JAKMIP1: variants seen among roughly 807,000 people sequenced by gnomAD.
The protein encoded by JAKMIP1 is janus kinase and microtubule interacting protein 1.
JAKMIP1 carries 33 observed loss-of-function variants against 113.0 expected under a neutral mutation model. The observed-to-expected ratio is 0.29, with a 90% CI of 0.22 to 0.39. The LOEUF is 0.39. Among genes scored for constraint, JAKMIP1 ranks in the 10% least tolerant of loss-of-function variants. JAKMIP1 has a pLI of 1.00. For missense variants in JAKMIP1, 813 were observed against 1,080.5 expected, an observed-to-expected ratio of 0.75 and a Z score of 3.47; for synonymous variants, 480 against 459.9, an observed-to-expected ratio of 1.04 and a Z score of -0.56.
In JAKMIP1 at chr4:6,090,878, C is replaced by A. The variant is rs111691375; in HGVS notation, c.625-5249G>T. 4.8e-3 allele frequency among the ~76,000 whole-genome samples: 733 copies of A among 151,872 alleles called. 8 individuals carry two copies. The highest frequency in any genetic ancestry group is 0.017 in the African/African-American group (683 of 41,360). ...CCATGATGCCCTTAGAGTGTCAAAA[C>A]CCCACGTTGACCATGACGTCCTTAG... On this transcript the variant is annotated intron_variant, in intron 3 of 20. Transcript: ENST00000409021.
intron 1 of JAKMIP1, among the ~76,000 whole-genome samples, chr4:6,121,132 A>G (rs1371127940): frequency 6.7e-6 from 1 of 150,304 alleles, no homozygotes; most frequent in African/African-American, 2.4e-5. Flanking sequence ...TCTGGGAGGC[A>G]GAGGTTGCAG....
chr4:6,052,270 G>A (rs1286155326), intron 13 of JAKMIP1, among the ~76,000 whole-genome samples: 1 of 151,794 alleles, frequency 6.6e-6, no homozygotes, highest in Non-Finnish European at 1.5e-5. Context: ...CCATTCCACA[G>A]ATGACTTTCT....
At chr4:6,173,202 T>G (rs1318750679) in intron 1 of JAKMIP1, among the ~76,000 whole-genome samples, 1 of 152,210 alleles carries the variant, frequency 6.6e-6, no homozygotes, top group Non-Finnish European at 1.5e-5. Context: ...GAAGGTCTGT[T>G]AATGTCCTTA....
intron 1 of JAKMIP1, among the ~76,000 whole-genome samples, chr4:6,124,338 T>A (rs532560005): frequency 1.3e-5 from 2 of 152,226 alleles, no homozygotes; most frequent in Non-Finnish European, 2.9e-5. Flanking sequence ...AGCTGCCACC[T>A]GCACCAGCAC....
rs930067427 is a variant in JAKMIP1, at chr4:6,197,096, C to A, written c.-148+3157G>T. Among the ~76,000 whole-genome samples, 1 of 152,144 alleles carries A rather than the reference C, an allele frequency of 6.6e-6. No homozygotes were observed. Among genetic ancestry groups the A allele is most frequent in the East Asian group, 1.9e-4 (1 of 5,190 alleles). On this transcript the variant is annotated intron_variant, in intron 1 of 20. Coordinates refer to ENST00000409021, the MANE Select transcript of JAKMIP1 (RefSeq NM_001099433.2). This position sits in a 1 kb window ranked among gnomAD's most constrained non-coding sequence, Gnocchi z 6.5. ...CCCGTGCAGCAAAGATGAGATAACC[C>A]GAGGCAGAAGCGGGAGGTTAAGTGC...
rs151249015 is a variant in JAKMIP1, at chr4:6,070,683, C to G, written c.1303-5675G>C. Among the ~76,000 whole-genome samples, 77 of 152,384 alleles carry G rather than the reference C, an allele frequency of 5.1e-4. 1 individual carries two copies. The highest frequency in any genetic ancestry group is 8.7e-4 in the Non-Finnish European group (59 of 68,034). On this transcript the variant is annotated intron_variant, in intron 8 of 20. Transcript: ENST00000409021. ...CTCCCTCAGGACCCAAACCGAGGAG[C>G]TGCCTCTGTCCTCATGTGTTTGGGA...
intron 2 of JAKMIP1, among the ~76,000 whole-genome samples, chr4:6,110,022 G>T: frequency 6.6e-6 from 1 of 152,144 alleles, no homozygotes; most frequent in East Asian, 1.9e-4. Context: ...GAGGCAGCCT[G>T]GTAACAGGGA....
At position 6,140,230 on chromosome 4, in the gene JAKMIP1, C is replaced by T. The variant is rs1042126755; in HGVS notation, c.-147-27233G>A. Among the ~76,000 whole-genome samples, 2 of 151,770 alleles carry T rather than the reference C, an allele frequency of 1.3e-5. No homozygotes were observed. Among genetic ancestry groups the T allele is most frequent in the Admixed American group, 1.3e-4 (2 of 15,250 alleles). On this transcript the variant is annotated intron_variant, in intron 1 of 20. Coordinates refer to ENST00000409021, the MANE Select transcript of JAKMIP1 (RefSeq NM_001099433.2). The surrounding 1 kb of genome is among the most constrained non-coding windows in gnomAD (Gnocchi z 9.4). ...TCTCCACCCGGACATTTGGGCTGCT[C>T]CCTATTTTTCTTTTTTCCTCTTTTT...
intron 7 of JAKMIP1, among the ~76,000 whole-genome samples, chr4:6,079,682 T>G (rs1410263977): frequency 6.6e-6 from 1 of 152,170 alleles, no homozygotes; most frequent in Non-Finnish European, 1.5e-5. Context: ...CTTTGATAGA[T>G]GCACGCCCCA....
At position 6,156,110 on chromosome 4, in the gene JAKMIP1, A is replaced by T. The variant is rs1722208003; in HGVS notation, c.-147-43113T>A. On this transcript the variant is annotated intron_variant, in intron 1 of 20. Transcript: ENST00000409021. This position sits in a 1 kb window ranked among gnomAD's most constrained non-coding sequence, Gnocchi z 5.0. ...AACTATTCTGAAATAATCTGTTGGC[A>T]TTTCTAAATACCTGACCCATCTGTG... 6.6e-6 allele frequency among the ~76,000 whole-genome samples: 1 copy of T among 152,206 alleles called. No homozygotes were observed. The highest frequency in any genetic ancestry group is 2.4e-5 in the African/African-American group (1 of 41,434).
chr4:6,083,038 G>T (rs914108271), intron 5 of JAKMIP1, among the ~76,000 whole-genome samples: 1 of 152,086 alleles, frequency 6.6e-6, no homozygotes, highest in Non-Finnish European at 1.5e-5. Flanking sequence ...CTCTCGGTGA[G>T]TTTTAAGGTA....
intron 17 of JAKMIP1, among the ~76,000 whole-genome samples, chr4:6,041,937 G>A (rs530872439): frequency 6.6e-6 from 1 of 152,322 alleles, no homozygotes; most frequent in East Asian, 1.9e-4. Context: ...CATAGCACCT[G>A]GGACACAGCA....
At chr4:6,112,610 C>A in intron 2 of JAKMIP1, 112 bp downstream of exon 2, 1 of 1,293,158 alleles carries the variant, frequency 7.7e-7, no homozygotes, top group Non-Finnish European at 1.1e-6. Context: ...GGTGAAGTGC[C>A]CCCCCTCGGC....
rs940679753 is a variant in JAKMIP1 at position 6,199,526 on chromosome 4, C to T, written c.-148+727G>A. The stretch of plus-strand genomic sequence containing the variant: ...GTGTCTGGCACCACGAGAGTCAATC[C>T]TTGCGCGCCATCTCCGGAGGCCAGT... On this transcript the variant is annotated intron_variant, in intron 1 of 20. Transcript: ENST00000409021. This position sits in a 1 kb window ranked among gnomAD's most constrained non-coding sequence, Gnocchi z 5.6. Among the ~76,000 whole-genome samples the T allele has an allele frequency of 4.6e-5, 7 of 152,146 alleles. No homozygotes were observed. Among genetic ancestry groups the T allele is most frequent in the African/African-American group, 1.4e-4 (6 of 41,456 alleles).
At chr4:6,090,779 C>T (rs182748707) in intron 3 of JAKMIP1, among the ~76,000 whole-genome samples, 42 of 152,020 alleles carry the variant, frequency 2.8e-4, no homozygotes, top group Non-Finnish European at 4.9e-4. Flanking sequence ...TGACCATAAC[C>T]ACCTTAAACT....
chr4:6,087,779 T>C (rs1006269403), intron 3 of JAKMIP1, among the ~76,000 whole-genome samples: 17 of 152,316 alleles, frequency 1.1e-4, no homozygotes, highest in Admixed American at 4.6e-4. Flanking sequence ...CACCTTTCTT[T>C]GGAAGACAAA....
rs1354627081 is a variant in JAKMIP1 at position 6,108,992 on chromosome 4, C to A, written c.130-3025G>T. Among the ~76,000 whole-genome samples the A allele has an allele frequency of 6.6e-6, 1 of 152,234 alleles. No homozygotes were observed. The highest frequency in any genetic ancestry group is 1.5e-5 in the Non-Finnish European group (1 of 68,042). On this transcript the variant is annotated intron_variant, in intron 2 of 20. Transcript: ENST00000409021. The surrounding 1 kb of genome is among the most constrained non-coding windows in gnomAD (Gnocchi z 5.6). ...GGGCCTAGAAACAATGACACCGCAGCAGTGATGGGCACGCCTGGTGCCTGG... is the reference window on the plus strand; with the variant it reads ...GGGCCTAGAAACAATGACACCGCAGAAGTGATGGGCACGCCTGGTGCCTGG...
rs1269448525 is a variant in JAKMIP1, at chr4:6,064,441, G to C, written c.1431+439C>G. On this transcript the variant is annotated intron_variant, in intron 9 of 20. Transcript: ENST00000409021. The surrounding 1 kb of genome is among the most constrained non-coding windows in gnomAD (Gnocchi z 4.3). ...TCACCTTCTTCTTTATATATTTTTGGATTACATGCTTTATCTTAGTCAAGA... is the reference window on the plus strand; with the variant it reads ...TCACCTTCTTCTTTATATATTTTTGCATTACATGCTTTATCTTAGTCAAGA... Among the ~76,000 whole-genome samples, 2 of 152,184 alleles carry C rather than the reference G, an allele frequency of 1.3e-5. No individual in the cohort carries two copies. Among genetic ancestry groups the C allele is most frequent in the East Asian group, 3.9e-4 (2 of 5,188 alleles).
intron 8 of JAKMIP1, among the ~76,000 whole-genome samples, chr4:6,075,119 A>T (rs916330378): frequency 2.6e-5 from 4 of 152,262 alleles, no homozygotes; most frequent in Non-Finnish European, 4.4e-5. Flanking sequence ...CAGTGAGCCA[A>T]GAGCGTGCCA....
Sources: gnomAD v4.1 joint callset for allele counts (sites outside exome capture counted in the v4.1 genomes callset) on GRCh38, gnomAD v4.1.1 for gene constraint, Gnocchi (gnomAD v3.1) non-coding constraint, MANE v1.5 for transcripts, NCBI Gene and HGNC (gene_info 2026-07-23, HGNC 2026-07-21) for gene names.